The following FMNL3 variants were observed in gnomAD, a reference collection of about 807,000 sequenced individuals.
FMNL3 encodes the protein formin like 3, also known as formin-like protein 3.
Under a neutral mutation model 119.6 loss-of-function variants are expected in FMNL3, and 57 were observed. The observed-to-expected ratio is 0.48, with a 90% confidence interval of 0.39 to 0.59. The LOEUF (loss-of-function observed/expected upper bound fraction) is 0.59, where lower values mean the gene tolerates loss of function less well. Among genes scored for constraint, FMNL3 ranks in the 20% least tolerant of loss-of-function variants. The pLI, the probability that FMNL3 is intolerant of heterozygous loss-of-function variation, is 0.00. For missense variants in FMNL3, 1,053 were observed against 1,323.5 expected (o/e 0.80, Z 3.17); for synonymous variants, 491 against 507.3 (o/e 0.97, Z 0.43).
At chr12:49,655,592 G>A (rs141543164) in intron 9 of FMNL3, among the ~76,000 whole-genome samples, 2 of 152,236 alleles carry the variant, frequency 1.3e-5, no homozygotes, top group East Asian at 3.9e-4. Flanking sequence ...ATGCTGCCAA[G>A]TTACTAAAGG....
rs967731396 is a variant in FMNL3, at chr12:49,666,814, A to T, written c.211-607T>A. On this transcript the variant is annotated intron_variant, in intron 2 of 25. Transcript: ENST00000335154. ...CCCTCTCTAAAAAAAAAATTAAAAA[A>T]AGATATGATTGGGAAATGCTGTTCA... Among the ~76,000 whole-genome samples, 8 of 152,170 alleles carry T rather than the reference A, an allele frequency of 5.3e-5. No homozygotes were observed. The East Asian group carries it at 1.3e-3, about 26-fold the overall frequency.
At chr12:49,658,715 G>C (rs1382471880) in intron 5 of FMNL3, 121 bp from the exon 6 acceptor site, 1 of 1,204,492 alleles carries the variant, frequency 8.3e-7, no homozygotes, top group Non-Finnish European at 1.1e-6. Context: ...AGCAGCAGGG[G>C]TAGCAAGGAG....
chr12:49,652,745 G>T (rs1234829279), intron 13 of FMNL3, among the ~76,000 whole-genome samples: 1 of 152,194 alleles, frequency 6.6e-6, no homozygotes, highest in Admixed American at 6.5e-5. Context: ...AGAGAAAGTA[G>T]GATGGGGGCA....
In FMNL3 at chr12:49,707,252, A is replaced by C. The variant is rs1417664570; in HGVS notation, c.-72T>G. 3 of 1,341,148 alleles carry C rather than the reference A, an allele frequency of 2.2e-6. No individual in the cohort carries two copies. Among genetic ancestry groups the C allele is most frequent in the Non-Finnish European group, 2.9e-6 (3 of 1,028,882 alleles). 83.1% of individuals were successfully genotyped at this position (1,341,148 alleles called of 1,614,324 possible). ...CGGAGCTTTCGGCTCCGCGGCTCCG[A>C]CCAGGCTCCTCCCTCAGCGCCGGCT... On this transcript the variant is annotated 5_prime_UTR_variant, in exon 1 of 26. Coordinates refer to ENST00000335154, the MANE Select transcript of FMNL3 (RefSeq NM_175736.5).
chr12:49,675,638 T>C (rs1001230558), intron 1 of FMNL3, among the ~76,000 whole-genome samples: 2 of 152,212 alleles, frequency 1.3e-5, no homozygotes, highest in Non-Finnish European at 1.5e-5. Flanking sequence ...GGTGGGCCGT[T>C]ACTGTTCACT....
At chr12:49,654,158 G>T (rs763021727) in intron 11 of FMNL3, 34 bp downstream of exon 11, 1 of 1,576,676 alleles carries the variant, frequency 6.3e-7, no homozygotes, top group Non-Finnish European at 8.7e-7. Context: ...TGATCCCAAA[G>T]CACCTCACCT....
chr12:49,663,942 A>AT (rs544221970), intron 4 of FMNL3, among the ~76,000 whole-genome samples: 11 of 149,510 alleles, frequency 7.4e-5, no homozygotes, highest in Admixed American at 4.0e-4. Flanking sequence ...TCTCTACTAA[A>AT]TTTTTTTTTT....
chr12:49,641,787 G>A lies in FMNL3; in HGVS notation c.*4028C>T, dbSNP rs1942689257. ...AACTTGGTTTCTAATGCAGACCACA[G>A]TCCTGTGGATCTCTTCCAGAGGCAA... On this transcript the variant is annotated 3_prime_UTR_variant, in exon 26 of 26. Transcript: ENST00000335154. 6.5e-6 allele frequency: 5 copies of A among 770,428 alleles called. No homozygotes were observed. The East Asian group carries it at 1.0e-4, about 16-fold the overall frequency. The allele number at this position is 770,428 out of a possible 1,614,324, so 47.7% of individuals were successfully genotyped here. A position where few individuals can be genotyped will look rare whatever the true frequency, so the allele number is the denominator to read the frequency against.
At position 49,649,613 on chromosome 12, in the gene FMNL3, G is replaced by C; in HGVS notation, c.2236-75C>G. The C allele has an allele frequency of 6.2e-7, 1 of 1,611,486 alleles. No homozygotes were observed. The highest frequency in any genetic ancestry group is 8.5e-7 in the Non-Finnish European group (1 of 1,177,636). On this transcript the variant is annotated intron_variant, in intron 18 of 25. Transcript: ENST00000335154. The surrounding 1 kb of genome is among the most constrained non-coding windows in gnomAD (Gnocchi z 5.6). ...AGACAGGGAGGGGTCAGAAGGACTG[G>C]AAGGGCAGGGGAGGTGACTAGCAGA...
intron 22 of FMNL3, 84 bp downstream of exon 22, chr12:49,648,104 TAAAAA>T (rs763770317): frequency 9.7e-6 from 12 of 1,234,148 alleles, no homozygotes; most frequent in Non-Finnish European, 8.7e-6. Flanking sequence ...CTGCTTGATT[TAAAAA>T]AAAAAAAAAA....
At position 49,643,837 on chromosome 12, in the gene FMNL3, G is replaced by A. The variant is rs369910502; in HGVS notation, c.*1978C>T. The A allele has an allele frequency of 1.2e-5, 20 of 1,614,042 alleles. No homozygotes were observed. Among genetic ancestry groups the A allele is most frequent in the Admixed American group, 1.7e-5 (1 of 59,998 alleles). The stretch of plus-strand genomic sequence containing the variant: ...TCCCAGGCTATCCACAGGAACTGAG[G>A]AGGTGGGCTCTGGACTCTTACAGAA... On this transcript the variant is annotated 3_prime_UTR_variant, in exon 26 of 26. Coordinates refer to ENST00000335154, the MANE Select transcript of FMNL3 (RefSeq NM_175736.5).
At chr12:49,658,386 G>C (rs2138796362) in intron 6 of FMNL3, 56 bp downstream of exon 6, 5 of 1,533,142 alleles carry the variant, frequency 3.3e-6, no homozygotes, top group Non-Finnish European at 4.4e-6. Context: ...CTGAACCCGA[G>C]ACCTGCACTG....
intron 1 of FMNL3, among the ~76,000 whole-genome samples, chr12:49,692,034 C>CAAA (rs773991970): frequency 2.2e-4 from 5 of 23,106 alleles, no homozygotes; most frequent in Non-Finnish European, 3.1e-4. Context: ...GACTCCATCT[C>CAAA]AAAAAAAAAA....
rs554766121 is a variant in FMNL3 at position 49,681,435 on chromosome 12, C to T, written c.127-12881G>A. ...TGATCTCCTGTCCTCATGATCCACC[C>T]GCCTTGGCCTCCCAAAGTGCTGGGA... On this transcript the variant is annotated intron_variant, in intron 1 of 25. Coordinates refer to ENST00000335154, the MANE Select transcript of FMNL3 (RefSeq NM_175736.5). Among the ~76,000 whole-genome samples the T allele has an allele frequency of 9.2e-5, 14 of 152,262 alleles. No homozygotes were observed. In the South Asian group the frequency reaches 1.0e-3, roughly 11 times the overall value.
chr12:49,646,543 T>C (rs1033329411), intron 25 of FMNL3: 2 of 957,364 alleles, frequency 2.1e-6, no homozygotes, highest in Non-Finnish European at 3.0e-6. Context: ...TGCCAGAGGG[T>C]GATTGCAAGT....
In FMNL3 at chr12:49,644,390, A is replaced by T; in HGVS notation, c.*1425T>A. ...GGTCCCCTACTCCCTGGACTAGTGC[A>T]GTCCTTGCCCTCAGCCCCAGACCAG... On this transcript the variant is annotated 3_prime_UTR_variant, in exon 26 of 26. Coordinates refer to ENST00000335154, the MANE Select transcript of FMNL3 (RefSeq NM_175736.5). The T allele has an allele frequency of 1.6e-6, 1 of 621,218 alleles. No homozygotes were observed. 38.5% of individuals were successfully genotyped at this position (621,218 alleles called of 1,614,324 possible). A position where few individuals can be genotyped will look rare whatever the true frequency, so the allele number is the denominator to read the frequency against.
chr12:49,643,330 T>G lies in FMNL3; in HGVS notation c.*2485A>C, dbSNP rs757816284. The G allele has an allele frequency of 1.9e-5, 30 of 1,607,674 alleles. No individual in the cohort carries two copies. In the Middle Eastern group the frequency reaches 5.0e-4, roughly 27 times the overall value. On this transcript the variant is annotated 3_prime_UTR_variant, in exon 26 of 26. Coordinates refer to ENST00000335154, the MANE Select transcript of FMNL3 (RefSeq NM_175736.5). ...GCTCTGAGCCCTCTTCCTCACTTGA[T>G]TCAGTTGAAAGTGGGGGTGCTGCCC... is the stretch of plus-strand genomic sequence containing the variant.
chr12:49,662,158 G>C, intron 4 of FMNL3, 109 bp from the exon 5 acceptor site: 1 of 1,003,986 alleles, frequency 1.0e-6, no homozygotes, highest in Non-Finnish European at 1.5e-6. Flanking sequence ...CCCAGCACCA[G>C]GCTAAGAAAA....
In FMNL3 at chr12:49,658,522, G is replaced by A. The variant is rs755311975; in HGVS notation, c.525C>T (p.Ile175=). 8 of 1,613,542 alleles carry A rather than the reference G, an allele frequency of 5.0e-6. No individual in the cohort carries two copies. Among genetic ancestry groups the A allele is most frequent in the African/African-American group, 2.7e-5 (2 of 74,908 alleles). The change falls in exon 6 of 26, where the codon ATC becomes ATT. Residue 175 remains isoleucine, a synonymous_variant. Transcript: ENST00000335154. The part of the protein sequence containing the change: ...FDKLRSWSRS[I]EDLQPPSALS... ...GGGCGCTGGGTGGCTGCAGGTCCTCGATTGACCTGCTCCAGGACCGGAGTT... is the reference window on the plus strand; with the variant it reads ...GGGCGCTGGGTGGCTGCAGGTCCTCAATTGACCTGCTCCAGGACCGGAGTT...
Sources: allele counts gnomAD v4.1 joint callset (sites outside exome capture counted in the v4.1 genomes callset), GRCh38; gene constraint gnomAD v4.1.1; non-coding constraint Gnocchi (gnomAD v3.1); transcripts MANE v1.5; gene names NCBI Gene and HGNC (gene_info 2026-07-23, HGNC 2026-07-21).